Variants in CRTC3 observed in about 807,000 individuals in gnomAD.
The protein encoded by CRTC3 is CREB regulated transcription coactivator 3, also known as CREB-regulated transcription coactivator 3.
CRTC3 carries 26 observed loss-of-function variants against 74.5 expected under a neutral mutation model. The ratio of observed to expected loss-of-function variants is 0.35; its 90% CI spans 0.26 to 0.48. The LOEUF is 0.48. Ranked by LOEUF, CRTC3 falls within the 20% of genes least tolerant of loss-of-function variation. CRTC3 has a pLI of 0.99. For synonymous variants in CRTC3, 377 were observed against 325.8 expected (o/e 1.16, Z -1.69); for missense variants, 760 against 787.3 (o/e 0.97, Z 0.41).
At chr15:90,593,039 G>C (rs2151077694) in intron 2 of CRTC3, among the ~76,000 whole-genome samples, 1 of 152,248 alleles carries the variant, frequency 6.6e-6, no homozygotes, top group South Asian at 2.1e-4. Flanking sequence ...TGTAATCCCA[G>C]CTACTTGGGA....
At chr15:90,598,539 G>A (rs536648622) in intron 3 of CRTC3, 3 of 702,352 alleles carry the variant, frequency 4.3e-6, no homozygotes, top group Non-Finnish European at 7.8e-6. Context: ...GAGGCTTGGG[G>A]AGAGAGAGAA....
Position 90,610,320 on chromosome 15 carries a change from C to T in CRTC3, c.577+2842C>T, listed in dbSNP as rs527921401. On this transcript the variant is annotated intron_variant, in intron 6 of 14. Coordinates refer to ENST00000268184, the MANE Select transcript of CRTC3 (RefSeq NM_022769.5). ...TTCTATGTTCGAAGCAATAATAACTCTTCTTTCCCTGGGAATCTCTCCTAG... is the reference window on the plus strand; with the variant it reads ...TTCTATGTTCGAAGCAATAATAACTTTTCTTTCCCTGGGAATCTCTCCTAG... Among the ~76,000 whole-genome samples the T allele has an allele frequency of 1.4e-3, 212 of 152,324 alleles. 2 individuals are homozygous for T. Among genetic ancestry groups the T allele is most frequent in the Non-Finnish European group, 2.1e-3 (144 of 68,026 alleles).
At chr15:90,616,122 C>T (rs1968489042) in intron 7 of CRTC3, among the ~76,000 whole-genome samples, 1 of 151,924 alleles carries the variant, frequency 6.6e-6, no homozygotes, top group African/African-American at 2.4e-5. Flanking sequence ...AGTCAGGTAA[C>T]ATTTGAAGAA....
intron 4 of CRTC3, among the ~76,000 whole-genome samples, chr15:90,603,112 T>C (rs1376978191): frequency 6.6e-6 from 1 of 152,098 alleles, no homozygotes; most frequent in Non-Finnish European, 1.5e-5. Context: ...ACCAGCAGAA[T>C]ACTCAGATAT....
chr15:90,549,797 G>C (rs1324049802), intron 2 of CRTC3, among the ~76,000 whole-genome samples: 1 of 150,714 alleles, frequency 6.6e-6, no homozygotes, highest in African/African-American at 2.4e-5. Context: ...CTGCCTCCCA[G>C]GTTCAAGCGA....
chr15:90,559,718 G>A (rs1008233023), intron 2 of CRTC3, among the ~76,000 whole-genome samples: 6 of 152,154 alleles, frequency 3.9e-5, no homozygotes, highest in Admixed American at 1.3e-4. Flanking sequence ...TCTGCTTCCC[G>A]GGCTCAAGTG....
rs1969583599 is a variant in CRTC3, at chr15:90,645,248, T to C, written c.*3108T>C. On this transcript the variant is annotated 3_prime_UTR_variant, in exon 15 of 15. Transcript: ENST00000268184. ...CCCAGGGCACCCTGTTCAACCATAT[T>C]TAAAAATTGGAATTTGTATAAAGTT... The C allele has an allele frequency of 4.4e-6, 1 of 225,734 alleles. No homozygotes were observed. The highest frequency in any genetic ancestry group is 1.8e-4 in the South Asian group (1 of 5,464). 14.0% of individuals were successfully genotyped at this position (225,734 alleles called of 1,614,324 possible). A position where few individuals can be genotyped will look rare whatever the true frequency, so the allele number is the denominator to read the frequency against.
chr15:90,543,885 C>G (rs1212174270), intron 2 of CRTC3, among the ~76,000 whole-genome samples: 4 of 152,164 alleles, frequency 2.6e-5, no homozygotes, highest in African/African-American at 9.7e-5. Context: ...CACCTCCAGC[C>G]TCTGGAAACC....
At chr15:90,543,528 A>G (rs891488544) in intron 2 of CRTC3, among the ~76,000 whole-genome samples, 2 of 152,138 alleles carry the variant, frequency 1.3e-5, no homozygotes, top group African/African-American at 4.8e-5. Flanking sequence ...TTTTGAAGCA[A>G]TGAAAGCACA....
intron 11 of CRTC3, chr15:90,634,843 A>C (rs1159757559): frequency 2.6e-6 from 4 of 1,536,748 alleles, no homozygotes; most frequent in Non-Finnish European, 3.6e-6. Context: ...TCTCAAGGAA[A>C]AGTATTGCAA....
At chr15:90,629,639 G>C (rs2151092985) in intron 11 of CRTC3, 107 bp downstream of exon 11, 1 of 1,106,676 alleles carries the variant, frequency 9.0e-7, no homozygotes, top group South Asian at 1.5e-5. Context: ...ATTACACCAA[G>C]CACCCATGAG....
At chr15:90,558,724 C>G (rs1966947653) in intron 2 of CRTC3, among the ~76,000 whole-genome samples, 2 of 151,936 alleles carry the variant, frequency 1.3e-5, no homozygotes, top group Non-Finnish European at 2.9e-5. Context: ...TTATCACGAT[C>G]CAGTATACTA....
At chr15:90,598,623 TAAG>T (rs1276503042) in intron 3 of CRTC3, 1 of 674,206 alleles carries the variant, frequency 1.5e-6, no homozygotes, top group Admixed American at 2.1e-5. Flanking sequence ...AGATGGACTA[TAAG>T]AAGAGGAACA....
At chr15:90,592,947 G>A (rs904831813) in intron 2 of CRTC3, among the ~76,000 whole-genome samples, 3 of 152,184 alleles carry the variant, frequency 2.0e-5, no homozygotes, top group African/African-American at 7.2e-5. Flanking sequence ...GAGGTCAGGA[G>A]TTTGAGACCA....
chr15:90,631,564 C>G (rs995879394), intron 11 of CRTC3, among the ~76,000 whole-genome samples: 7 of 151,784 alleles, frequency 4.6e-5, no homozygotes, highest in Admixed American at 2.6e-4. Flanking sequence ...CCCATCTCTA[C>G]TAAAAATACA....
At chr15:90,613,402 G>A (rs994099689) in intron 6 of CRTC3, among the ~76,000 whole-genome samples, 6 of 152,016 alleles carry the variant, frequency 3.9e-5, no homozygotes, top group South Asian at 2.1e-4. Flanking sequence ...TTCATTTATC[G>A]ACCTCTTCGT....
chr15:90,638,233 A>G (rs1401733443), intron 11 of CRTC3: 3 of 540,684 alleles, frequency 5.5e-6, no homozygotes, highest in Non-Finnish European at 9.8e-6. Context: ...TTTTAAGACA[A>G]TAGAACTTGT....
chr15:90,567,128 C>T (rs1273316600), intron 2 of CRTC3, among the ~76,000 whole-genome samples: 1 of 152,114 alleles, frequency 6.6e-6, no homozygotes, highest in Non-Finnish European at 1.5e-5. Context: ...ACTAATGCAG[C>T]TGGTGACTTG....
chr15:90,637,408 A>G (rs576752414), intron 11 of CRTC3, among the ~76,000 whole-genome samples: 156 of 152,140 alleles, frequency 1.0e-3, no homozygotes, highest in Non-Finnish European at 1.9e-3. Context: ...CTGTTGTGGG[A>G]TGCGGGGAAG....
Sources: allele counts gnomAD v4.1 joint callset (sites outside exome capture counted in the v4.1 genomes callset), GRCh38; gene constraint gnomAD v4.1.1; transcripts MANE v1.5; gene names NCBI Gene and HGNC (gene_info 2026-07-23, HGNC 2026-07-21).